DNM1L: variants seen among roughly 807,000 people sequenced by gnomAD.
DNM1L encodes the protein dynamin 1L.
In DNM1L, 33 loss-of-function variants were observed where a neutral mutation model predicts 92.8. That is an observed-to-expected ratio of 0.36 (90% CI 0.27 to 0.48). DNM1L has a LOEUF of 0.48. Ranked by LOEUF, DNM1L falls within the 20% of genes least tolerant of loss-of-function variation. The pLI is 0.99. For synonymous variants in DNM1L, 284 were observed against 305.0 expected, an observed-to-expected ratio of 0.93 and a Z score of 0.72; for missense variants, 485 against 888.8, an observed-to-expected ratio of 0.55 and a Z score of 5.78.
rs780563480 is a variant in DNM1L, at chr12:32,692,325, ATTTG to A, written c.103-9070_103-9067del. 7.5e-4 allele frequency among the ~76,000 whole-genome samples: 114 copies of A among 152,166 alleles called. 1 individual carries two copies. The highest frequency in any genetic ancestry group is 5.8e-3 in the Admixed American group (88 of 15,282). On this transcript the variant is annotated intron_variant, in intron 1 of 19. Transcript: ENST00000549701. ...AAAAGTTTTAGTTTGAATGTCTGGA[ATTTG>A]TTTGTTTGTTTGTTTGTTTTGGTGC... is the stretch of plus-strand genomic sequence containing the variant.
chr12:32,733,860 C>CA, intron 13 of DNM1L, 53 bp downstream of exon 13: 1 of 1,492,306 alleles, frequency 6.7e-7, no homozygotes, highest in Admixed American at 1.7e-5. Context: ...TGTTGTAACT[C>CA]AGTTATATCA....
intron 1 of DNM1L, among the ~76,000 whole-genome samples, chr12:32,700,313 T>A (rs2137296505): frequency 6.6e-6 from 1 of 152,142 alleles, no homozygotes; most frequent in Admixed American, 6.5e-5. Flanking sequence ...AGAGACAGGG[T>A]TTTGCCATGT....
At chr12:32,712,667 A>G (rs1241012873) in intron 5 of DNM1L, among the ~76,000 whole-genome samples, 1 of 150,482 alleles carries the variant, frequency 6.6e-6, no homozygotes, top group African/African-American at 2.4e-5. Flanking sequence ...AAAAAAAAAA[A>G]AAAAAAAAAA....
Position 32,720,661 on chromosome 12 carries a change from C to T in DNM1L, c.741-3C>T. The T allele has an allele frequency of 6.2e-7, 1 of 1,613,778 alleles. No homozygotes were observed. Among genetic ancestry groups the T allele is most frequent in the Non-Finnish European group, 8.5e-7 (1 of 1,179,824 alleles). On this transcript the variant is annotated splice_polypyrimidine_tract_variant and splice_region_variant and intron_variant, in intron 7 of 19. Coordinates refer to ENST00000549701, the MANE Select transcript of DNM1L (RefSeq NM_012062.5). ...AATAGTTTCGTTATTTTTTCAACCTCAGGAGCCAGCTAGATATTAACAACA... is the reference window on the plus strand; with the variant it reads ...AATAGTTTCGTTATTTTTTCAACCTTAGGAGCCAGCTAGATATTAACAACA...
rs1334083521 is a variant in DNM1L, at chr12:32,740,425, G to A, written c.1901G>A (p.Arg634Gln). ...CCTATTTAGCCAGTTCCTGTTGCAC[G>A]AAAACTATCTGCTCGGGAACAGCGA... ...NLLDVPVPVA[R>Q]KLSAREQRDC... Residue 634 changes from arginine to glutamine, a missense_variant, in exon 18 of 20, where the codon CGA becomes CAA. Physicochemically the swap from Arg to Gln is conservative, Grantham distance 43 (BLOSUM62 1). Transcript: ENST00000549701. 2 of 1,613,784 alleles carry A rather than the reference G, an allele frequency of 1.2e-6. No homozygotes were observed. Among genetic ancestry groups the A allele is most frequent in the African/African-American group, 1.3e-5 (1 of 74,898 alleles).
intron 2 of DNM1L, among the ~76,000 whole-genome samples, chr12:32,702,706 A>G (rs1221991096): frequency 6.6e-6 from 1 of 152,018 alleles, no homozygotes; most frequent in Non-Finnish European, 1.5e-5. Context: ...AATGGGGAAA[A>G]AAAACCTCAT....
intron 9 of DNM1L, among the ~76,000 whole-genome samples, chr12:32,727,946 A>G (rs1263407294): frequency 6.6e-6 from 1 of 152,214 alleles, no homozygotes; most frequent in Non-Finnish European, 1.5e-5. Flanking sequence ...TTCATTACAT[A>G]TTGCATATTG....
chr12:32,693,509 T>C (rs1362454315), intron 1 of DNM1L, among the ~76,000 whole-genome samples: 2 of 152,234 alleles, frequency 1.3e-5, no homozygotes, highest in Non-Finnish European at 2.9e-5. Context: ...GAAGTCATTC[T>C]CCTTTATTTT....
chr12:32,690,884 A>T (rs1337376639), intron 1 of DNM1L, among the ~76,000 whole-genome samples: 2 of 152,210 alleles, frequency 1.3e-5, no homozygotes, highest in African/African-American at 2.4e-5. Context: ...TGATGGCATT[A>T]AAAAAATCAC....
chr12:32,735,370 A>G (rs933737135), intron 13 of DNM1L, among the ~76,000 whole-genome samples: 1 of 152,212 alleles, frequency 6.6e-6, no homozygotes, highest in African/African-American at 2.4e-5. Context: ...AGCTCAGATC[A>G]TAACTGGTTA....
chr12:32,717,350 ATATATAGTATATATAATATATATAC>A (rs1216877543), intron 6 of DNM1L, among the ~76,000 whole-genome samples: 1 of 66,258 alleles, frequency 1.5e-5, no homozygotes, highest in African/African-American at 6.8e-5. Context: ...ACTATATATT[ATATATAGTATATATAATATATATAC>A]TATATATAAT....
chr12:32,681,734 A>G (rs950730891), intron 1 of DNM1L, among the ~76,000 whole-genome samples: 1 of 151,920 alleles, frequency 6.6e-6, no homozygotes, highest in South Asian at 2.1e-4. Context: ...TATACCTCAC[A>G]TTTATATTTA....
intron 1 of DNM1L, among the ~76,000 whole-genome samples, chr12:32,686,135 C>T (rs1565970301): frequency 6.7e-6 from 1 of 148,986 alleles, no homozygotes. Context: ...ACAGCAACCT[C>T]CACCTCCCGG....
intron 1 of DNM1L, among the ~76,000 whole-genome samples, chr12:32,682,194 A>G (rs1231077479): frequency 1.3e-5 from 2 of 151,496 alleles, no homozygotes; most frequent in African/African-American, 2.4e-5. Flanking sequence ...GTGCAGTGCC[A>G]TGATCTTGGT....
chr12:32,705,792 A>G, intron 2 of DNM1L: 1 of 1,591,158 alleles, frequency 6.3e-7, no homozygotes, highest in Non-Finnish European at 8.5e-7. Flanking sequence ...ATAAGCACTA[A>G]ACTTATTCTG....
chr12:32,681,320 G>C (rs900815863), intron 1 of DNM1L, among the ~76,000 whole-genome samples: 3 of 152,246 alleles, frequency 2.0e-5, no homozygotes, highest in Admixed American at 6.5e-5. Flanking sequence ...ATTATCCGAG[G>C]TAGGCAGATC....
Position 32,743,534 on chromosome 12 carries a change from G to A in DNM1L, c.*124G>A. On this transcript the variant is annotated 3_prime_UTR_variant, in exon 20 of 20. Transcript: ENST00000549701. ...GTATGAATCTGCTCATGTGGAGACT[G>A]GCTATAAACTGAAAAGTGTATTCCA... is the stretch of plus-strand genomic sequence containing the variant. The A allele has an allele frequency of 1.1e-6, 1 of 883,266 alleles. No individual in the cohort carries two copies. The highest frequency in any genetic ancestry group is 1.8e-6 in the Non-Finnish European group (1 of 555,854). The allele number at this position is 883,266 out of a possible 1,614,324, so 54.7% of individuals were successfully genotyped here.
At position 32,717,663 on chromosome 12, in the gene DNM1L, A is replaced by T. The variant is rs1321656337; in HGVS notation, c.620-980A>T. Among the ~76,000 whole-genome samples, 204 of 91,430 alleles carry T rather than the reference A, an allele frequency of 2.2e-3. 8 individuals carry two copies. Among genetic ancestry groups the T allele is most frequent in the African/African-American group, 8.9e-3 (197 of 22,194 alleles). The allele number at this position is 91,430 out of a possible 152,430, so 60.0% of individuals were successfully genotyped here. ...ATATACCTAGGTAGATATATATATA[A>T]AAAATACATATACCTAGGTAGATAT... On this transcript the variant is annotated intron_variant, in intron 6 of 19. Coordinates refer to ENST00000549701, the MANE Select transcript of DNM1L (RefSeq NM_012062.5).
chr12:32,682,070 T>C (rs1417554756), intron 1 of DNM1L, among the ~76,000 whole-genome samples: 1 of 152,134 alleles, frequency 6.6e-6, no homozygotes, highest in Non-Finnish European at 1.5e-5. Context: ...ATGGCTTCAG[T>C]TTCTATCTTG....
Sources: allele counts gnomAD v4.1 joint callset (sites outside exome capture counted in the v4.1 genomes callset), GRCh38; gene constraint gnomAD v4.1.1; transcripts MANE v1.5; gene names NCBI Gene and HGNC (gene_info 2026-07-23, HGNC 2026-07-21).